Variants in C8A observed in about 807,000 individuals in gnomAD.
C8A encodes the protein complement C8 alpha chain.
Under a neutral mutation model 65.3 loss-of-function variants are expected in C8A, and 67 were observed. The ratio of observed to expected loss-of-function variants is 1.03; its 90% CI spans 0.84 to 1.26. C8A has a LOEUF of 1.26. Ranked by LOEUF, C8A falls within the 50% of genes most tolerant of loss-of-function variation. The probability of loss-of-function intolerance (pLI) is 0.00; values close to 1 mark genes in which losing one functional copy is unlikely to be tolerated. For synonymous variants in C8A, 290 were observed against 259.4 expected, an observed-to-expected ratio of 1.12 and a Z score of -1.13; for missense variants, 781 against 723.9, an observed-to-expected ratio of 1.08 and a Z score of -0.90.
intron 9 of C8A, 44 bp from the exon 10 acceptor site, chr1:56,912,359 G>T: frequency 1.3e-6 from 2 of 1,581,530 alleles, no homozygotes; most frequent in East Asian, 2.2e-5. Flanking sequence ...TGGGAAGGTA[G>T]ATAGAGCCCA....
intron 2 of C8A, among the ~76,000 whole-genome samples, chr1:56,873,431 G>A (rs1644167147): frequency 6.6e-6 from 1 of 152,184 alleles, no homozygotes; most frequent in Admixed American, 6.5e-5. Context: ...CTCATGGGCA[G>A]TTGGTAAGAA....
chr1:56,916,845 A>C (rs1644556710), intron 10 of C8A, among the ~76,000 whole-genome samples: 1 of 152,228 alleles, frequency 6.6e-6, no homozygotes, highest in Non-Finnish European at 1.5e-5. Context: ...CAGATAGTCC[A>C]TGGTCAGTGC....
Position 56,908,054 on chromosome 1 carries a change from AT to A in C8A, c.1323del (p.Thr442HisfsTer9). 1 of 1,614,144 alleles carries A rather than the reference AT, an allele frequency of 6.2e-7. No homozygotes were observed. Among genetic ancestry groups the A allele is most frequent in the Non-Finnish European group, 8.5e-7 (1 of 1,179,984 alleles). On this transcript the variant is annotated frameshift_variant, in exon 9 of 11. Coordinates refer to ENST00000361249, the MANE Select transcript of C8A (RefSeq NM_000562.3). LOFTEE classifies it high-confidence loss of function. ...TGGCTTGGCACAGAACAGGAGCACC[AT>A]TACATACCGTTCCTGGGGGAGGTCA... ...SGGLAQNRST[I>X]TYRSWGRSLK...
rs138952538 is a variant in C8A, at chr1:56,897,768, A to T, written c.1097-8899A>T. On this transcript the variant is annotated intron_variant, in intron 7 of 10. Coordinates refer to ENST00000361249, the MANE Select transcript of C8A (RefSeq NM_000562.3). The stretch of plus-strand genomic sequence containing the variant: ...AAAGTTGGAAACAGGAAACAATCTC[A>T]GGGGAAAAACCGTATTCGTAATCTA... Among the ~76,000 whole-genome samples, 608 of 152,262 alleles carry T rather than the reference A, an allele frequency of 4.0e-3. 1 individual carries two copies. The highest frequency in any genetic ancestry group is 0.017 in the Middle Eastern group (5 of 294).
rs150979558 is a variant in C8A, at chr1:56,886,286, T to C, written c.1096+119T>C. On this transcript the variant is annotated intron_variant, in intron 7 of 10. Transcript: ENST00000361249. ...GATCTCATTTAGTTTTTAGGACAAC[T>C]CTATAGGATAGCATAAGTATTATTA... is the stretch of plus-strand genomic sequence containing the variant. 215 of 1,167,832 alleles carry C rather than the reference T, an allele frequency of 1.8e-4. No individual in the cohort carries two copies. The African/African-American group carries it at 2.7e-3, about 15-fold the overall frequency. The allele number at this position is 1,167,832 out of a possible 1,614,324, so 72.3% of individuals were successfully genotyped here.
chr1:56,884,237 G>C (rs148191083), intron 6 of C8A, among the ~76,000 whole-genome samples: 3 of 152,030 alleles, frequency 2.0e-5, no homozygotes, highest in African/African-American at 2.4e-5. Context: ...TGGCAGAAAG[G>C]TGCTCTAGGC....
chr1:56,917,715 G>T lies in C8A; in HGVS notation c.1754G>T (p.Ter585LeuextTer18). 1 of 1,614,044 alleles carries T rather than the reference G, an allele frequency of 6.2e-7. No homozygotes were observed. Among genetic ancestry groups the T allele is most frequent in the Non-Finnish European group, 8.5e-7 (1 of 1,180,046 alleles). The change falls in exon 11 of 11, where the codon TGA (stop) becomes TTA (leucine). Residue 585 changes from the stop codon to leucine (L), a stop_lost. Coordinates refer to ENST00000361249, the MANE Select transcript of C8A (RefSeq NM_000562.3). Reference sequence around the variant, plus strand: ...CGGAAAGTACAGACGCAGGCTTGCTGAGGGCCTCTGGACACAGGCTGGACC... The same window carrying T: ...CGGAAAGTACAGACGCAGGCTTGCTTAGGGCCTCTGGACACAGGCTGGACC... ...PGRKVQTQAC* is the reference protein window; with the variant it reads ...PGRKVQTQACL
chr1:56,914,753 C>T (rs1346080313), intron 10 of C8A, among the ~76,000 whole-genome samples: 1 of 152,140 alleles, frequency 6.6e-6, no homozygotes, highest in African/African-American at 2.4e-5. Flanking sequence ...CAACCTCCTC[C>T]TCCCGGGTTC....
At chr1:56,908,861 A>G (rs624298) in intron 9 of C8A, among the ~76,000 whole-genome samples, 113,551 of 152,100 alleles carry the variant, frequency 0.75, 42,865 homozygotes, top group South Asian at 0.92. Flanking sequence ...TAGCACCTCC[A>G]TTAAAGCAGT....
chr1:56,901,104 AG>A (rs1422357995), intron 7 of C8A, among the ~76,000 whole-genome samples: 1 of 152,166 alleles, frequency 6.6e-6, no homozygotes, highest in Non-Finnish European at 1.5e-5. Context: ...AGAAACACAA[AG>A]GGGACAGGTG....
chr1:56,856,644 A>G (rs857029), intron 1 of C8A, among the ~76,000 whole-genome samples: 3,859 of 152,226 alleles, frequency 0.025, 100 homozygotes, highest in African/African-American at 0.07. Context: ...ATAGTTTTAC[A>G]TTTTAATGGT....
rs1570359061 is a variant in C8A at position 56,917,886 on chromosome 1, T to G, written c.*170T>G. The G allele has an allele frequency of 2.9e-6, 2 of 698,750 alleles. No individual in the cohort carries two copies. The highest frequency in any genetic ancestry group is 5.6e-5 in the East Asian group (2 of 35,970). The allele number at this position is 698,750 out of a possible 1,614,324, so 43.3% of individuals were successfully genotyped here. On this transcript the variant is annotated 3_prime_UTR_variant, in exon 11 of 11. Coordinates refer to ENST00000361249, the MANE Select transcript of C8A (RefSeq NM_000562.3). ...TTTTGCTGTCTACAGCCAACTATTC[T>G]ATTAGTTACAAAACTCAATCATTTT... is the stretch of plus-strand genomic sequence containing the variant.
chr1:56,873,977 G>A (rs1570321860), intron 2 of C8A, among the ~76,000 whole-genome samples: 1 of 152,230 alleles, frequency 6.6e-6, no homozygotes, highest in East Asian at 1.9e-4. Flanking sequence ...TCCCAAGATT[G>A]GCGTGCATTT....
At chr1:56,884,061 G>A (rs554950008) in intron 6 of C8A, among the ~76,000 whole-genome samples, 1 of 145,102 alleles carries the variant, frequency 6.9e-6, no homozygotes, top group East Asian at 2.0e-4. Context: ...AGAAGGACTG[G>A]TATGCTAAAA....
intron 7 of C8A, among the ~76,000 whole-genome samples, chr1:56,891,502 A>T (rs1644345020): frequency 2.0e-5 from 3 of 152,148 alleles, no homozygotes; most frequent in African/African-American, 7.2e-5. Flanking sequence ...CATGTAGAAC[A>T]CAGATTAGAG....
chr1:56,864,289 T>C (rs1470879529), intron 1 of C8A, among the ~76,000 whole-genome samples: 1 of 152,136 alleles, frequency 6.6e-6, no homozygotes, highest in Non-Finnish European at 1.5e-5. Context: ...TTAGGTGTGA[T>C]TGAGGGAACA....
intron 9 of C8A, among the ~76,000 whole-genome samples, chr1:56,909,480 A>G (rs1644490404): frequency 6.6e-6 from 1 of 152,242 alleles, no homozygotes; most frequent in Non-Finnish European, 1.5e-5. Context: ...ATAAGGTTTG[A>G]AAATTGATAT....
intron 10 of C8A, among the ~76,000 whole-genome samples, chr1:56,915,309 T>C (rs1391358500): frequency 6.6e-6 from 1 of 152,052 alleles, no homozygotes; most frequent in African/African-American, 2.4e-5. Context: ...TGAAGGAGCA[T>C]GCAGAGAATA....
Position 56,912,433 on chromosome 1 carries a change from A to G in C8A, c.1411A>G (p.Thr471Ala). The G allele has an allele frequency of 6.2e-7, 1 of 1,614,216 alleles. No homozygotes were observed. Among genetic ancestry groups the G allele is most frequent in the Non-Finnish European group, 8.5e-7 (1 of 1,180,024 alleles). ...GCCTATCCACGAGGTGCTGCGGCACACAAGCCTGGGGCCTCTGGAGGCCAA... is the reference window on the plus strand; with the variant it reads ...GCCTATCCACGAGGTGCTGCGGCACGCAAGCCTGGGGCCTCTGGAGGCCAA... Reference protein sequence around the residue: ...MQPIHEVLRHTSLGPLEAKRQ... With the variant: ...MQPIHEVLRHASLGPLEAKRQ... Residue 471 changes from threonine (T) to alanine (A), a missense_variant, in exon 10 of 11, where the codon ACA becomes GCA. Thr to Ala is a moderately conservative substitution (Grantham distance 58). Transcript: ENST00000361249.
Sources: allele counts gnomAD v4.1 joint callset (sites outside exome capture counted in the v4.1 genomes callset), GRCh38; gene constraint gnomAD v4.1.1; transcripts MANE v1.5; gene names NCBI Gene and HGNC (gene_info 2026-07-23, HGNC 2026-07-21).